ANK2: variants seen among roughly 807,000 people sequenced by gnomAD.
ANK2 encodes ankyrin-2.
A neutral mutation model predicts 360.5 loss-of-function variants in ANK2; 83 were observed. That is an observed-to-expected ratio of 0.23 (90% CI 0.19 to 0.28). ANK2 has a LOEUF of 0.28. Ranked by LOEUF, ANK2 falls within the 10% of genes least tolerant of loss-of-function variation. The probability of loss-of-function intolerance (pLI) is 1.00; values close to 1 mark genes in which losing one functional copy is unlikely to be tolerated. For synonymous variants in ANK2, 1,740 were observed against 1,759.5 expected (o/e 0.99, Z 0.28); for missense variants, 4,201 against 4,795.7 (o/e 0.88, Z 3.66).
At chr4:113,077,327 A>G (rs1226796164) in intron 1 of ANK2, among the ~76,000 whole-genome samples, 4 of 152,172 alleles carry the variant, frequency 2.6e-5, no homozygotes, top group Non-Finnish European at 5.9e-5. Flanking sequence ...CACAATGTAA[A>G]TTGGTCATAT....
At chr4:113,051,428 C>T (rs1351616727) in intron 1 of ANK2, among the ~76,000 whole-genome samples, 8 of 152,036 alleles carry the variant, frequency 5.3e-5, no homozygotes, top group South Asian at 4.2e-4. Context: ...GTAGAGACAA[C>T]GAAATCATCC....
the ANK2 span, among the ~76,000 whole-genome samples, chr4:112,808,084 A>T: frequency 6.6e-6 from 1 of 152,252 alleles, no homozygotes; most frequent in African/African-American, 2.4e-5. Context: ...AGTTGACTGC[A>T]AGCTCAATGT....
intron 2 of ANK2, among the ~76,000 whole-genome samples, chr4:113,030,311 A>G (rs1282657347): frequency 1.3e-5 from 2 of 152,132 alleles, no homozygotes; most frequent in African/African-American, 2.4e-5. Flanking sequence ...TCTAGCCTGA[A>G]TGAACTGTTT....
At chr4:113,023,088 A>G (rs1184544938) in intron 2 of ANK2, among the ~76,000 whole-genome samples, 3 of 152,192 alleles carry the variant, frequency 2.0e-5, no homozygotes, top group African/African-American at 7.2e-5. Context: ...TTACGAATGT[A>G]ACAAACCTAC....
chr4:112,858,827 C>T (rs1579869367), intron 1 of ANK2, among the ~76,000 whole-genome samples: 2 of 152,256 alleles, frequency 1.3e-5, no homozygotes, highest in Middle Eastern at 3.4e-3. Context: ...TTTGACCATT[C>T]AACAACTGTT....
intron 1 of ANK2, among the ~76,000 whole-genome samples, chr4:112,852,349 G>GC (rs2065214982): frequency 2.0e-5 from 3 of 152,156 alleles, no homozygotes; most frequent in Non-Finnish European, 4.4e-5. Context: ...ACACCTCTGA[G>GC]ATTGTACTTA....
At chr4:113,015,922 A>G (rs953011909) in intron 2 of ANK2, among the ~76,000 whole-genome samples, 1 of 152,226 alleles carries the variant, frequency 6.6e-6, no homozygotes, top group Non-Finnish European at 1.5e-5. Flanking sequence ...TGTGGTCATT[A>G]AAAGGCAATA....
At chr4:113,049,200 T>C (rs1398388811), upstream of ANK2, among the ~76,000 whole-genome samples, 1 of 152,216 alleles carries the variant, frequency 6.6e-6, no homozygotes, top group Non-Finnish European at 1.5e-5. Flanking sequence ...GAATGACATC[T>C]GAAAAACATA....
exon 2 of ANK2, chr4:112,904,501 C>T: frequency 1.3e-6 from 2 of 1,504,568 alleles, no homozygotes; most frequent in Non-Finnish European, 1.8e-6. Flanking sequence ...CAAATGACCA[C>T]CATGTTGCAA....
chr4:113,249,914 T>G (rs1445889240), intron 10 of ANK2, 52 bp downstream of exon 10: 2 of 1,479,156 alleles, frequency 1.4e-6, no homozygotes, highest in Non-Finnish European at 1.9e-6. Flanking sequence ...AGTTACTTGA[T>G]GTATTATCTC....
intron 20 of ANK2, among the ~76,000 whole-genome samples, chr4:113,288,870 T>A (rs2066099260): frequency 6.6e-6 from 1 of 151,840 alleles, no homozygotes; most frequent in African/African-American, 2.4e-5. Flanking sequence ...CAGCCTAGAC[T>A]GCGTGCCTTT....
chr4:113,028,122 C>G (rs1242934466), intron 2 of ANK2, among the ~76,000 whole-genome samples: 1 of 151,862 alleles, frequency 6.6e-6, no homozygotes, highest in East Asian at 1.9e-4. Flanking sequence ...TGCACATTTG[C>G]TTGTATCTAG....
chr4:113,108,466 G>A (rs1435451282), intron 1 of ANK2, among the ~76,000 whole-genome samples: 2 of 152,050 alleles, frequency 1.3e-5, no homozygotes, highest in Admixed American at 6.6e-5. Flanking sequence ...AGGATCAAAA[G>A]GTTTGGGATA....
chr4:112,961,490 T>C (rs540433309), intron 2 of ANK2, among the ~76,000 whole-genome samples: 10 of 152,162 alleles, frequency 6.6e-5, no homozygotes, highest in Admixed American at 1.3e-4. Flanking sequence ...AAAGTGTGTG[T>C]TTAATAAATT....
chr4:112,952,372 CTT>C (rs1209852283), intron 2 of ANK2, among the ~76,000 whole-genome samples: 1 of 152,178 alleles, frequency 6.6e-6, no homozygotes, highest in Non-Finnish European at 1.5e-5. Flanking sequence ...TTAAAACTGG[CTT>C]GCAAAATTGA....
At chr4:113,059,427 G>A (rs566332869) in intron 1 of ANK2, among the ~76,000 whole-genome samples, 13 of 152,038 alleles carry the variant, frequency 8.6e-5, no homozygotes, top group South Asian at 4.1e-4. Context: ...AATTGTCTAC[G>A]TGATTTATTC....
chr4:113,333,064 G>C lies in ANK2; in HGVS notation c.3235G>C (p.Val1079Leu), dbSNP rs774214850. 6.2e-7 allele frequency: 1 copy of C among 1,614,176 alleles called. No individual in the cohort carries two copies. Among genetic ancestry groups the C allele is most frequent in the African/African-American group, 1.3e-5 (1 of 75,048 alleles). The change falls in exon 29 of 46, where the codon GTG becomes CTG. Residue 1079 changes from valine (V) to leucine (L), a missense_variant. Physicochemically the swap from Val to Leu is conservative, Grantham distance 32 (BLOSUM62 1). Around this residue, in one of 4 missense-constraint regions of ANK2, gnomAD observed 1,268 missense variants for 1,650.8 expected, o/e 0.77. Coordinates refer to ENST00000357077, the MANE Select transcript of ANK2 (RefSeq NM_001148.6). ...GCATTGCTATGTCAGGCCTGTGATCGTGGAGATCCCTCACTTTGCGGCCCT... is the reference window on the plus strand; with the variant it reads ...GCATTGCTATGTCAGGCCTGTGATCCTGGAGATCCCTCACTTTGCGGCCCT... The part of the protein sequence containing the change: ...PGTKFLGPVI[V>L]EIPHFAALRG...
At chr4:113,364,642 A>G (rs1446493880) in intron 40 of ANK2, among the ~76,000 whole-genome samples, 1 of 152,196 alleles carries the variant, frequency 6.6e-6, no homozygotes, top group Non-Finnish European at 1.5e-5. Flanking sequence ...CATTCTTCTA[A>G]GTAGAATTGT....
intron 1 of ANK2, among the ~76,000 whole-genome samples, chr4:112,843,158 C>T (rs2062516226): frequency 6.6e-6 from 1 of 152,152 alleles, no homozygotes; most frequent in African/African-American, 2.4e-5. Context: ...TGCAAAGTCC[C>T]GTTTGCCGTA....
Sources: allele counts gnomAD v4.1 joint callset (sites outside exome capture counted in the v4.1 genomes callset), GRCh38; gene constraint gnomAD v4.1.1; regional missense constraint gnomAD v4.1.1; transcripts MANE v1.5; gene names NCBI Gene and HGNC (gene_info 2026-07-23, HGNC 2026-07-21).